The following SMYD3 variants were observed in gnomAD, a reference collection of about 807,000 sequenced individuals.
The protein encoded by SMYD3 is SET and MYND domain containing 3.
Under a neutral mutation model 57.7 loss-of-function variants are expected in SMYD3, and 36 were observed. That is an observed-to-expected ratio of 0.62 (90% confidence interval 0.48 to 0.82). SMYD3 has a LOEUF of 0.82. Among genes scored for constraint, SMYD3 ranks in the 40% least tolerant of loss-of-function variants. The pLI is 0.00. For synonymous variants in SMYD3, 211 were observed against 195.0 expected (o/e 1.08, Z -0.68); for missense variants, 515 against 538.8 (o/e 0.96, Z 0.44).
At chr1:246,473,947 A>G (rs1351291150) in intron 1 of SMYD3, among the ~76,000 whole-genome samples, 2 of 152,348 alleles carry the variant, frequency 1.3e-5, no homozygotes, top group African/African-American at 4.8e-5. Flanking sequence ...CATCACTAAT[A>G]AAGCTGAAAT....
chr1:245,940,818 G>A (rs1466387081), intron 5 of SMYD3, among the ~76,000 whole-genome samples: 1 of 152,212 alleles, frequency 6.6e-6, no homozygotes, highest in East Asian at 1.9e-4. Context: ...AGTCTGAGCT[G>A]GATGAAATGA....
intron 5 of SMYD3, among the ~76,000 whole-genome samples, chr1:246,226,616 C>G (rs992526225): frequency 6.6e-6 from 1 of 152,210 alleles, no homozygotes; most frequent in Non-Finnish European, 1.5e-5. Flanking sequence ...ATAAAGATCA[C>G]ACACATTTGA....
At chr1:245,842,575 C>A (rs9728262) in intron 10 of SMYD3, among the ~76,000 whole-genome samples, 52,186 of 152,028 alleles carry the variant, frequency 0.34, 10,736 homozygotes, top group East Asian at 0.59. Flanking sequence ...TAATAATTAG[C>A]AACTGCTAAC....
intron 1 of SMYD3, chr1:246,483,843 A>G (rs1473171113): frequency 6.6e-6 from 1 of 152,244 alleles, no homozygotes; most frequent in African/African-American, 2.4e-5. Context: ...TTTTGTGGTT[A>G]ATTCCAAATA....
At chr1:245,858,724 A>G (rs2148478815) in intron 9 of SMYD3, 54 bp from the exon 10 acceptor site, 1 of 1,563,572 alleles carries the variant, frequency 6.4e-7, no homozygotes, top group Non-Finnish European at 8.7e-7. Context: ...AAAAACAAAC[A>G]AAATTAGATT....
chr1:246,286,369 C>T (rs1394062610), intron 5 of SMYD3, among the ~76,000 whole-genome samples: 5 of 152,074 alleles, frequency 3.3e-5, no homozygotes, highest in African/African-American at 1.2e-4. Flanking sequence ...TCACAAATCA[C>T]CACACAGCTC....
intron 8 of SMYD3, among the ~76,000 whole-genome samples, chr1:245,908,549 T>C (rs796753193): frequency 1.3e-5 from 2 of 152,312 alleles, no homozygotes; most frequent in Admixed American, 6.5e-5. Context: ...CATCAGTAAA[T>C]GGAACATTCT....
intron 5 of SMYD3, among the ~76,000 whole-genome samples, chr1:246,233,914 A>G (rs2063468468): frequency 7.9e-6 from 1 of 127,158 alleles, no homozygotes; most frequent in African/African-American, 2.9e-5. Flanking sequence ...TACCACGCAG[A>G]GGAGAAACGC....
At chr1:246,328,907 T>C (rs1013083901) in intron 4 of SMYD3, among the ~76,000 whole-genome samples, 3 of 151,914 alleles carry the variant, frequency 2.0e-5, no homozygotes, top group Non-Finnish European at 4.4e-5. Flanking sequence ...GTTCTCATTG[T>C]TCAATTCCCA....
rs1280668086 is a variant in SMYD3 at position 246,009,786 on chromosome 1, A to G, written c.532-79849T>C. On this transcript the variant is annotated intron_variant, in intron 5 of 11. Coordinates refer to ENST00000490107, the MANE Select transcript of SMYD3 (RefSeq NM_001167740.2). ...AAGTAGAAGAAGCTATTGGAATATG[A>G]CGTTGTCTCATGTAAGATCTTTTTT... 2.2e-5 allele frequency among the ~76,000 whole-genome samples: 3 copies of G among 138,786 alleles called. No homozygotes were observed. The East Asian group carries it at 7.2e-4, about 34-fold the overall frequency. The allele number at this position is 138,786 out of a possible 152,430, so 91.0% of individuals were successfully genotyped here. A position where few individuals can be genotyped will look rare whatever the true frequency, so the allele number is the denominator to read the frequency against.
chr1:246,478,356 C>T (rs1210830812), intron 1 of SMYD3, among the ~76,000 whole-genome samples: 2 of 152,152 alleles, frequency 1.3e-5, no homozygotes, highest in Non-Finnish European at 1.5e-5. Flanking sequence ...CATATATGCA[C>T]ACCTGTCCTC....
chr1:245,942,939 G>A (rs1446028664), intron 5 of SMYD3, among the ~76,000 whole-genome samples: 1 of 152,072 alleles, frequency 6.6e-6, no homozygotes, highest in Non-Finnish European at 1.5e-5. Flanking sequence ...AAACCAATGA[G>A]AACGAAGAAA....
chr1:246,487,446 C>G (rs1449381647), intron 1 of SMYD3, among the ~76,000 whole-genome samples: 1 of 151,200 alleles, frequency 6.6e-6, no homozygotes, highest in African/African-American at 2.4e-5. Flanking sequence ...GGCAACAGAG[C>G]AAGACTCTGT....
At chr1:246,006,141 C>T (rs12727477) in intron 5 of SMYD3, among the ~76,000 whole-genome samples, 71,374 of 152,112 alleles carry the variant, frequency 0.47, 18,823 homozygotes, top group Non-Finnish European at 0.6. Flanking sequence ...AGCACAACCA[C>T]GTCCTGACTG....
At chr1:246,234,343 A>G (rs1177716783) in intron 5 of SMYD3, among the ~76,000 whole-genome samples, 1 of 151,898 alleles carries the variant, frequency 6.6e-6, no homozygotes, top group East Asian at 1.9e-4. Context: ...AACATGTACC[A>G]CATGGAGGAG....
At position 246,065,652 on chromosome 1, in the gene SMYD3, T is replaced by C. The variant is rs144240923; in HGVS notation, c.532-135715A>G. Among the ~76,000 whole-genome samples, 7 of 152,264 alleles carry C rather than the reference T, an allele frequency of 4.6e-5. No homozygotes were observed. The East Asian group carries it at 1.4e-3, about 29-fold the overall frequency. On this transcript the variant is annotated intron_variant, in intron 5 of 11. Coordinates refer to ENST00000490107, the MANE Select transcript of SMYD3 (RefSeq NM_001167740.2). ...TAATAACCAGCCAGAAAATTCAAAT[T>C]AATATTAAATACTGAAACACTGTTA...
chr1:245,967,511 A>T (rs1288754677), intron 5 of SMYD3, among the ~76,000 whole-genome samples: 1 of 152,294 alleles, frequency 6.6e-6, no homozygotes, highest in East Asian at 1.9e-4. Flanking sequence ...GGAAGTGTGG[A>T]GTTGTCTCTG....
rs375232196 is a variant in SMYD3, at chr1:246,351,966, C to A, written c.228+3065G>T. On this transcript the variant is annotated intron_variant, in intron 2 of 11. Transcript: ENST00000490107. The stretch of plus-strand genomic sequence containing the variant: ...GCCTGGTCAACATGATGAAACCCCA[C>A]CTCTACTAAAATAGAAAAAATTAGC... Among the ~76,000 whole-genome samples the A allele has an allele frequency of 5.3e-5, 8 of 151,762 alleles. No individual in the cohort carries two copies. In the East Asian group the frequency reaches 1.6e-3, roughly 30 times the overall value.
chr1:246,232,290 G>A (rs781175217), intron 5 of SMYD3, among the ~76,000 whole-genome samples: 5 of 152,104 alleles, frequency 3.3e-5, no homozygotes, highest in Non-Finnish European at 5.9e-5. Flanking sequence ...CTGTAACCAC[G>A]GAGAATTCTC....
Sources: allele counts gnomAD v4.1 joint callset (sites outside exome capture counted in the v4.1 genomes callset), GRCh38; gene constraint gnomAD v4.1.1; transcripts MANE v1.5; gene names NCBI Gene and HGNC (gene_info 2026-07-23, HGNC 2026-07-21).